Variants in PKIB observed in about 807,000 individuals in gnomAD.
PKIB encodes the protein PKI-beta.
Under a neutral mutation model 4.5 loss-of-function variants are expected in PKIB, and 2 were observed. The observed-to-expected ratio is 0.44, with a 90% confidence interval of 0.18 to 1.39. PKIB has a LOEUF of 1.39. Ranked by LOEUF, PKIB falls within the 40% of genes most tolerant of loss-of-function variation. The probability of loss-of-function intolerance (pLI) is 0.27; values close to 1 mark genes in which losing one functional copy is unlikely to be tolerated. For synonymous variants in PKIB, 38 were observed against 36.0 expected (o/e 1.06, Z -0.20); for missense variants, 94 against 92.6 (o/e 1.02, Z -0.06).
chr6:122,526,637 A>G (rs191533462), intron 2 of PKIB, among the ~76,000 whole-genome samples: 13 of 152,252 alleles, frequency 8.5e-5, no homozygotes, highest in African/African-American at 3.1e-4. Flanking sequence ...AAAATATTCA[A>G]TAAGCCATGC....
intron 2 of PKIB, among the ~76,000 whole-genome samples, chr6:122,574,650 T>C (rs983055375): frequency 2.0e-5 from 3 of 151,584 alleles, no homozygotes; most frequent in African/African-American, 7.3e-5. Flanking sequence ...TACAAAAACA[T>C]AAACTGTATA....
chr6:122,480,309 T>G (rs1363943806), intron 2 of PKIB: 1 of 152,278 alleles, frequency 6.6e-6, no homozygotes, highest in Non-Finnish European at 1.5e-5. Flanking sequence ...CCCAAAGTGC[T>G]GGGATTACAG....
intron 3 of PKIB, among the ~76,000 whole-genome samples, chr6:122,694,909 G>C (rs574402053): frequency 6.6e-6 from 1 of 152,282 alleles, no homozygotes; most frequent in African/African-American, 2.4e-5. Flanking sequence ...TTGTCTTACT[G>C]TATAGAAATG....
At chr6:122,691,381 TTTTGC>T (rs1778349129) in intron 3 of PKIB, among the ~76,000 whole-genome samples, 1 of 152,140 alleles carries the variant, frequency 6.6e-6, no homozygotes, top group East Asian at 1.9e-4. Context: ...TTTTTATTCT[TTTTGC>T]TTTTGTCTGC....
At chr6:122,602,349 A>G (rs1774395612) in intron 3 of PKIB, among the ~76,000 whole-genome samples, 1 of 152,194 alleles carries the variant, frequency 6.6e-6, no homozygotes, top group South Asian at 2.1e-4. Flanking sequence ...TACAGAAAGG[A>G]GACAGGCTTT....
intron 1 of PKIB, among the ~76,000 whole-genome samples, chr6:122,628,198 C>T (rs1004471203): frequency 7.9e-5 from 12 of 151,982 alleles, no homozygotes; most frequent in African/African-American, 1.5e-4. Context: ...CCACCAAGTC[C>T]GGCTAATTTT....
chr6:122,482,011 T>C (rs1056364629), intron 2 of PKIB: 1 of 145,072 alleles, frequency 6.9e-6, no homozygotes, highest in African/African-American at 2.6e-5. Context: ...CAGGCTGGAA[T>C]GCAGTGGCGC....
intron 2 of PKIB, among the ~76,000 whole-genome samples, chr6:122,533,315 G>C (rs757607046): frequency 6.6e-6 from 1 of 151,978 alleles, no homozygotes; most frequent in South Asian, 2.1e-4. Context: ...GACTATAGGC[G>C]TATACCACCG....
At chr6:122,483,901 T>C (rs1364835306) in intron 2 of PKIB, 4 of 152,242 alleles carry the variant, frequency 2.6e-5, no homozygotes, top group African/African-American at 4.8e-5. Context: ...TATCTTTTTC[T>C]TCTCAATTGC....
intron 2 of PKIB, among the ~76,000 whole-genome samples, chr6:122,651,511 T>C (rs1776552910): frequency 6.6e-6 from 1 of 152,156 alleles, no homozygotes; most frequent in African/African-American, 2.4e-5. Flanking sequence ...CAGACAGGGG[T>C]GAAAAGATTT....
At position 122,621,511 on chromosome 6, in the gene PKIB, A is replaced by C. The variant is rs887100277; in HGVS notation, c.-161+10976A>C. ...GTCCAGAGGTGGTTATAAGTAATCT[A>C]ATATCAGGAATGGTTTCTCTGTAGA... On this transcript the variant is annotated intron_variant, in intron 1 of 4. Transcript: ENST00000368452. Among the ~76,000 whole-genome samples, 11 of 152,348 alleles carry C rather than the reference A, an allele frequency of 7.2e-5. No individual in the cohort carries two copies. The East Asian group carries it at 2.1e-3, about 29-fold the overall frequency.
At chr6:122,526,665 T>C (rs539236408) in intron 2 of PKIB, among the ~76,000 whole-genome samples, 1 of 152,256 alleles carries the variant, frequency 6.6e-6, no homozygotes, top group African/African-American at 2.4e-5. Context: ...GAATGTGCTG[T>C]TATCTAGGCT....
At chr6:122,687,688 G>T (rs1056089667) in intron 3 of PKIB, among the ~76,000 whole-genome samples, 3 of 151,838 alleles carry the variant, frequency 2.0e-5, no homozygotes, top group Non-Finnish European at 4.4e-5. Context: ...TCACTTCTTT[G>T]GTTAATTCCT....
chr6:122,691,979 G>A (rs1421996689), intron 3 of PKIB, among the ~76,000 whole-genome samples: 1 of 152,208 alleles, frequency 6.6e-6, no homozygotes, highest in Non-Finnish European at 1.5e-5. Flanking sequence ...ATAAGATCCA[G>A]AAGAATACTC....
intron 3 of PKIB, among the ~76,000 whole-genome samples, chr6:122,675,923 G>A (rs1777655232): frequency 1.3e-5 from 2 of 152,028 alleles, no homozygotes; most frequent in Non-Finnish European, 2.9e-5. Context: ...AGCAGTCCCT[G>A]ACCATTTTTG....
intron 3 of PKIB, among the ~76,000 whole-genome samples, chr6:122,599,311 G>A (rs1049818022): frequency 5.9e-5 from 9 of 152,190 alleles, no homozygotes; most frequent in Admixed American, 3.9e-4. Flanking sequence ...TACAAATTCA[G>A]TATCCCCAGC....
intron 3 of PKIB, among the ~76,000 whole-genome samples, chr6:122,685,383 G>A (rs1778055268): frequency 6.6e-6 from 1 of 152,106 alleles, no homozygotes; most frequent in South Asian, 2.1e-4. Flanking sequence ...TTTACATCAT[G>A]CATAAACACA....
intron 2 of PKIB, among the ~76,000 whole-genome samples, chr6:122,656,871 G>A (rs565728717): frequency 1.6e-3 from 236 of 152,170 alleles, no homozygotes; most frequent in African/African-American, 5.2e-3. Context: ...TCCTCAAAGA[G>A]GCTGTCTCTG....
At chr6:122,500,620 A>G (rs1313657540) in intron 2 of PKIB, among the ~76,000 whole-genome samples, 1 of 152,188 alleles carries the variant, frequency 6.6e-6, no homozygotes, top group Non-Finnish European at 1.5e-5. Flanking sequence ...AGAATCCTAG[A>G]TATGGCCAAT....
Sources: gnomAD v4.1 joint callset for allele counts (sites outside exome capture counted in the v4.1 genomes callset) on GRCh38, gnomAD v4.1.1 for gene constraint, MANE v1.5 for transcripts, NCBI Gene and HGNC (gene_info 2026-07-23, HGNC 2026-07-21) for gene names.